CA10: variants seen among roughly 807,000 people sequenced by gnomAD.
CA10 encodes the protein carbonic anhydrase 10 (inactive), also known as carbonic anhydrase-related protein 10.
A neutral mutation model predicts 44.2 loss-of-function variants in CA10; 14 were observed. That is an observed-to-expected ratio of 0.32 (90% CI 0.21 to 0.50). The LOEUF is 0.50. Ranked by LOEUF, CA10 falls within the 20% of genes least tolerant of loss-of-function variation. CA10 has a pLI of 0.99. For missense variants in CA10, 350 were observed against 409.7 expected (o/e 0.85, Z 1.26); for synonymous variants, 159 against 141.6 (o/e 1.12, Z -0.87).
At chr17:52,060,279 C>G (rs1987346024) in intron 2 of CA10, among the ~76,000 whole-genome samples, 1 of 151,922 alleles carries the variant, frequency 6.6e-6, no homozygotes, top group Admixed American at 6.6e-5. Flanking sequence ...CATGAAAAAT[C>G]AAAAGATTCA....
At chr17:51,935,526 T>A (rs1468543007) in intron 2 of CA10, among the ~76,000 whole-genome samples, 1 of 152,168 alleles carries the variant, frequency 6.6e-6, no homozygotes, top group Non-Finnish European at 1.5e-5. Context: ...ACCCAAATAT[T>A]TTTGCAAATT....
At chr17:51,767,153 A>AGGG (rs1905416479) in intron 3 of CA10, among the ~76,000 whole-genome samples, 1 of 152,012 alleles carries the variant, frequency 6.6e-6, no homozygotes, top group Non-Finnish European at 1.5e-5. Flanking sequence ...CATGAGGAGG[A>AGGG]TTTAATTATG....
At chr17:51,902,200 C>T (rs557535637) in intron 3 of CA10, among the ~76,000 whole-genome samples, 4 of 152,148 alleles carry the variant, frequency 2.6e-5, no homozygotes, top group Admixed American at 6.5e-5. Context: ...TTTGGGGCCT[C>T]GAGAAAACCT....
chr17:51,937,866 T>C (rs1228585108), intron 2 of CA10, among the ~76,000 whole-genome samples: 2 of 152,168 alleles, frequency 1.3e-5, no homozygotes, highest in Non-Finnish European at 1.5e-5. Flanking sequence ...GAGTGCATTA[T>C]TTTAATCCTA....
At chr17:51,916,131 C>T (rs1290670176) in intron 3 of CA10, among the ~76,000 whole-genome samples, 2 of 30,870 alleles carry the variant, frequency 6.5e-5, no homozygotes, top group South Asian at 2.1e-3. Context: ...TTGCATGCTA[C>T]GCTGCTGGAA....
chr17:52,057,701 A>G (rs1257890386), intron 2 of CA10, among the ~76,000 whole-genome samples: 1 of 152,070 alleles, frequency 6.6e-6, no homozygotes, highest in Non-Finnish European at 1.5e-5. Context: ...AGACCCACAA[A>G]AGGTTTTTCG....
At chr17:51,816,707 A>G (rs1404893292) in intron 3 of CA10, among the ~76,000 whole-genome samples, 1 of 152,224 alleles carries the variant, frequency 6.6e-6, no homozygotes, top group East Asian at 1.9e-4. Context: ...GGAGCAGCTG[A>G]AAGATCTTGT....
intron 1 of CA10, among the ~76,000 whole-genome samples, chr17:52,147,783 A>G (rs904872851): frequency 5.9e-5 from 9 of 152,224 alleles, no homozygotes; most frequent in African/African-American, 2.2e-4. Context: ...CATACAATAG[A>G]AACTTGATAC....
chr17:51,672,369 T>G (rs1914461756), intron 4 of CA10, among the ~76,000 whole-genome samples: 1 of 152,346 alleles, frequency 6.6e-6, no homozygotes, highest in African/African-American at 2.4e-5. Context: ...TGGGTTGGGA[T>G]CAGCTGCCCT....
intron 4 of CA10, among the ~76,000 whole-genome samples, chr17:51,707,917 A>G (rs551113641): frequency 1.3e-5 from 2 of 152,180 alleles, no homozygotes; most frequent in South Asian, 4.1e-4. Context: ...TGGTCAAAGG[A>G]TGAGCTGCTG....
chr17:51,822,451 A>C (rs1445061110), intron 3 of CA10, among the ~76,000 whole-genome samples: 1 of 151,676 alleles, frequency 6.6e-6, no homozygotes, highest in East Asian at 1.9e-4. Flanking sequence ...AAAACAAAAA[A>C]ACAAACAAAA....
At chr17:52,067,486 A>T (rs1434526998) in intron 2 of CA10, among the ~76,000 whole-genome samples, 1 of 152,218 alleles carries the variant, frequency 6.6e-6, no homozygotes, top group Non-Finnish European at 1.5e-5. Context: ...CTGCTAGGGC[A>T]GTGTGGAAGG....
chr17:51,693,777 G>A (rs770242172), intron 4 of CA10, among the ~76,000 whole-genome samples: 28 of 152,160 alleles, frequency 1.8e-4, no homozygotes, highest in Admixed American at 1.4e-3. Context: ...CCACGTCTTT[G>A]TTATTGTAAA....
At chr17:51,718,335 C>A (rs1030525903) in intron 4 of CA10, among the ~76,000 whole-genome samples, 23 of 152,066 alleles carry the variant, frequency 1.5e-4, no homozygotes, top group Non-Finnish European at 1.3e-4. Context: ...TCCACCTCAA[C>A]CTCCAGGAAG....
chr17:51,849,025 G>T (rs901779138), intron 3 of CA10, among the ~76,000 whole-genome samples: 3 of 151,320 alleles, frequency 2.0e-5, no homozygotes, highest in East Asian at 1.9e-4. Flanking sequence ...CAGCCTGGGT[G>T]ACAGAATGAG....
chr17:52,037,862 A>G (rs955829528), intron 2 of CA10, among the ~76,000 whole-genome samples: 1 of 152,076 alleles, frequency 6.6e-6, no homozygotes, highest in African/African-American at 2.4e-5. Flanking sequence ...TCATACCTTA[A>G]AGCTTGATTC....
At chr17:51,901,431 G>A (rs1470284536) in intron 3 of CA10, among the ~76,000 whole-genome samples, 1 of 152,072 alleles carries the variant, frequency 6.6e-6, no homozygotes, top group African/African-American at 2.4e-5. Flanking sequence ...TCCAATAGGG[G>A]GTGCCAGCCA....
At chr17:52,085,982 AG>A (rs2143191836) in intron 1 of CA10, among the ~76,000 whole-genome samples, 2 of 152,274 alleles carry the variant, frequency 1.3e-5, no homozygotes, top group South Asian at 4.2e-4. Flanking sequence ...TAATCTCTGA[AG>A]TTTCTTACCA....
At chr17:51,687,238 G>A (rs972865645) in intron 4 of CA10, among the ~76,000 whole-genome samples, 1 of 152,040 alleles carries the variant, frequency 6.6e-6, no homozygotes, top group Non-Finnish European at 1.5e-5. Flanking sequence ...TACTTCCTTT[G>A]ATCTTCACAG....
Sources: gnomAD v4.1 joint callset for allele counts (sites outside exome capture counted in the v4.1 genomes callset) on GRCh38, gnomAD v4.1.1 for gene constraint, MANE v1.5 for transcripts, NCBI Gene and HGNC (gene_info 2026-07-23, HGNC 2026-07-21) for gene names.